Variants in HS3ST4 observed in about 807,000 individuals in gnomAD.
The protein encoded by HS3ST4 is heparan sulfate-glucosamine 3-sulfotransferase 4.
Under a neutral mutation model 29.2 loss-of-function variants are expected in HS3ST4, and 17 were observed. The ratio of observed to expected loss-of-function variants is 0.58; its 90% confidence interval spans 0.40 to 0.87. The LOEUF is 0.87. HS3ST4 is among the 40% of genes least tolerant of loss of function. The probability of loss-of-function intolerance (pLI) is 0.00; values close to 1 mark genes in which losing one functional copy is unlikely to be tolerated. For missense variants in HS3ST4, 627 were observed against 634.5 expected, an observed-to-expected ratio of 0.99 and a Z score of 0.13; for synonymous variants, 314 against 285.7, an observed-to-expected ratio of 1.10 and a Z score of -1.00.
At chr16:25,711,089 G>T (rs890178311) in intron 1 of HS3ST4, among the ~76,000 whole-genome samples, 1 of 151,910 alleles carries the variant, frequency 6.6e-6, no homozygotes, top group Non-Finnish European at 1.5e-5. Flanking sequence ...TCCCAAAGGG[G>T]CTGGGATTAC....
At chr16:26,046,201 A>G (rs796646856) in intron 1 of HS3ST4, among the ~76,000 whole-genome samples, 3 of 132,482 alleles carry the variant, frequency 2.3e-5, no homozygotes, top group African/African-American at 8.9e-5. Flanking sequence ...CCCAGGCTGG[A>G]GTGCAATGGC....
intron 1 of HS3ST4, among the ~76,000 whole-genome samples, chr16:25,893,345 G>T (rs1968028940): frequency 6.6e-6 from 1 of 152,202 alleles, no homozygotes; most frequent in Admixed American, 6.5e-5. Flanking sequence ...GGAATGATGT[G>T]ATCGTATTTG....
intron 1 of HS3ST4, among the ~76,000 whole-genome samples, chr16:26,100,158 C>T (rs537682911): frequency 6.6e-6 from 1 of 152,190 alleles, no homozygotes; most frequent in East Asian, 1.9e-4. Context: ...AGGAGCAGGA[C>T]CAAGGCTGAA....
At chr16:25,873,936 A>G (rs985150417) in intron 1 of HS3ST4, among the ~76,000 whole-genome samples, 1 of 152,146 alleles carries the variant, frequency 6.6e-6, no homozygotes, top group African/African-American at 2.4e-5. Context: ...GACAGTGGGG[A>G]CCAACACGTA....
chr16:25,750,391 C>T (rs999839707), intron 1 of HS3ST4, among the ~76,000 whole-genome samples: 7 of 152,142 alleles, frequency 4.6e-5, no homozygotes, highest in Admixed American at 3.3e-4. Context: ...AATCACTAGC[C>T]CAACTGTGTT....
intron 1 of HS3ST4, among the ~76,000 whole-genome samples, chr16:26,047,046 C>T (rs1265374665): frequency 5.3e-5 from 8 of 152,190 alleles, no homozygotes; most frequent in Non-Finnish European, 1.0e-4. Context: ...CCTTGATTTA[C>T]CTGTTTCTGT....
At position 26,017,588 on chromosome 16, in the gene HS3ST4, A is replaced by G. The variant is rs193205344; in HGVS notation, c.735-118024A>G. 3.4e-3 allele frequency among the ~76,000 whole-genome samples: 518 copies of G among 152,330 alleles called. 2 individuals carry two copies. Among genetic ancestry groups the G allele is most frequent in the Admixed American group, 3.9e-3 (59 of 15,306 alleles). On this transcript the variant is annotated intron_variant, in intron 1 of 1. Coordinates refer to ENST00000331351, the MANE Select transcript of HS3ST4 (RefSeq NM_006040.3). Reference sequence around the variant, plus strand: ...TGAAACACTTTCATGGTAGCACTGTACCAAAGCAGCACTTTCTAATGAGGA... The same window carrying G: ...TGAAACACTTTCATGGTAGCACTGTGCCAAAGCAGCACTTTCTAATGAGGA...
chr16:25,962,313 T>G (rs1226915099), intron 1 of HS3ST4, among the ~76,000 whole-genome samples: 1 of 152,148 alleles, frequency 6.6e-6, no homozygotes, highest in African/African-American at 2.4e-5. Context: ...ACAGAAAGTA[T>G]GAGCAAAGTG....
At chr16:26,034,825 A>G (rs922690339) in intron 1 of HS3ST4, among the ~76,000 whole-genome samples, 2 of 152,038 alleles carry the variant, frequency 1.3e-5, no homozygotes, top group Middle Eastern at 3.2e-3. Context: ...TAAATAAGTA[A>G]ATAAATAATT....
At chr16:25,788,896 G>T (rs181505942) in intron 1 of HS3ST4, among the ~76,000 whole-genome samples, 60 of 152,212 alleles carry the variant, frequency 3.9e-4, no homozygotes, top group African/African-American at 1.4e-3. Context: ...GCAATGCCAA[G>T]ATTATGTTTA....
At chr16:26,012,278 C>G (rs905937977) in intron 1 of HS3ST4, among the ~76,000 whole-genome samples, 5 of 151,898 alleles carry the variant, frequency 3.3e-5, no homozygotes, top group African/African-American at 1.2e-4. Context: ...GCTTGAGGAT[C>G]GGAGAAAGGG....
At chr16:25,738,405 T>G (rs57134952) in intron 1 of HS3ST4, among the ~76,000 whole-genome samples, 29,638 of 152,192 alleles carry the variant, frequency 0.19, 3,965 homozygotes, top group East Asian at 0.63. Flanking sequence ...TGTTTCTAAC[T>G]GAGGGCCTTC....
intron 1 of HS3ST4, among the ~76,000 whole-genome samples, chr16:26,133,975 C>T (rs1337032610): frequency 6.6e-6 from 1 of 152,202 alleles, no homozygotes; most frequent in Admixed American, 6.5e-5. Context: ...CTTCAATTAA[C>T]TTTGGTCTAC....
intron 1 of HS3ST4, among the ~76,000 whole-genome samples, chr16:25,927,021 C>T (rs1239609107): frequency 3.3e-5 from 5 of 151,876 alleles, no homozygotes; most frequent in Non-Finnish European, 7.4e-5. Context: ...GAGATTGTGC[C>T]GTTGCACTCC....
intron 1 of HS3ST4, among the ~76,000 whole-genome samples, chr16:25,861,316 A>G (rs1173784416): frequency 6.6e-6 from 1 of 152,154 alleles, no homozygotes; most frequent in Non-Finnish European, 1.5e-5. Context: ...TGGTTCTGCA[A>G]GTTCAGCTTA....
At chr16:25,769,694 G>T (rs1966839547) in intron 1 of HS3ST4, among the ~76,000 whole-genome samples, 1 of 152,172 alleles carries the variant, frequency 6.6e-6, no homozygotes, top group South Asian at 2.1e-4. Flanking sequence ...GTTAGTACTT[G>T]AAGTACAGGC....
chr16:26,012,930 C>T lies in HS3ST4; in HGVS notation c.735-122682C>T, dbSNP rs545916669. On this transcript the variant is annotated intron_variant, in intron 1 of 1. Coordinates refer to ENST00000331351, the MANE Select transcript of HS3ST4 (RefSeq NM_006040.3). ...CTGTAATCCCAGCACTTTGGGAGGC[C>T]GAGGCGGGCAGATCACGAGGTCAAG... is the stretch of plus-strand genomic sequence containing the variant. 6.6e-5 allele frequency among the ~76,000 whole-genome samples: 10 copies of T among 152,016 alleles called. No homozygotes were observed. In the South Asian group the frequency reaches 1.2e-3, roughly 19 times the overall value.
In HS3ST4 at chr16:26,081,531, C is replaced by T. The variant is rs113070904; in HGVS notation, c.735-54081C>T. Among the ~76,000 whole-genome samples, 16 of 152,122 alleles carry T rather than the reference C, an allele frequency of 1.1e-4. 1 individual carries two copies. The highest frequency in any genetic ancestry group is 7.2e-4 in the Admixed American group (11 of 15,266). ...AAGTGGAGGCATTTCAAATCCTGTG[C>T]AGTCTGTCCATTGATAAAGTAAGTA... On this transcript the variant is annotated intron_variant, in intron 1 of 1. Coordinates refer to ENST00000331351, the MANE Select transcript of HS3ST4 (RefSeq NM_006040.3).
At chr16:25,929,710 G>A (rs905967067) in intron 1 of HS3ST4, among the ~76,000 whole-genome samples, 5 of 152,214 alleles carry the variant, frequency 3.3e-5, no homozygotes, top group Non-Finnish European at 5.9e-5. Context: ...GTTGGCAGCA[G>A]GGAAGGAGAG....
Sources: allele counts gnomAD v4.1 joint callset (sites outside exome capture counted in the v4.1 genomes callset), GRCh38; gene constraint gnomAD v4.1.1; transcripts MANE v1.5; gene names NCBI Gene and HGNC (gene_info 2026-07-23, HGNC 2026-07-21).